Variants in PLEKHA7 observed in about 807,000 individuals in gnomAD.
PLEKHA7 encodes pleckstrin homology domain containing A7.
A neutral mutation model predicts 170.0 loss-of-function variants in PLEKHA7; 104 were observed. The observed-to-expected ratio is 0.61, with a 90% confidence interval of 0.52 to 0.72. The LOEUF is 0.72. Ranked by LOEUF, PLEKHA7 falls within the 30% of genes least tolerant of loss-of-function variation. PLEKHA7 has a pLI of 0.00. For missense variants in PLEKHA7, 1,615 were observed against 1,671.7 expected, an observed-to-expected ratio of 0.97 and a Z score of 0.59; for synonymous variants, 648 against 660.8, an observed-to-expected ratio of 0.98 and a Z score of 0.30.
chr11:16,958,191 C>T (rs1861825731), intron 3 of PLEKHA7, among the ~76,000 whole-genome samples: 2 of 152,156 alleles, frequency 1.3e-5, no homozygotes, highest in African/African-American at 4.8e-5. Flanking sequence ...GTGGCACACA[C>T]CTGTAGTCCT....
At chr11:16,909,734 T>A (rs1858112529) in intron 3 of PLEKHA7, among the ~76,000 whole-genome samples, 2 of 152,214 alleles carry the variant, frequency 1.3e-5, no homozygotes, top group Non-Finnish European at 2.9e-5. Context: ...ATACTTAAGT[T>A]CATCTGCATC....
At chr11:16,845,976 C>T (rs914474288) in intron 8 of PLEKHA7, among the ~76,000 whole-genome samples, 10 of 152,042 alleles carry the variant, frequency 6.6e-5, no homozygotes, top group South Asian at 2.1e-4. Flanking sequence ...GAGGTAGTGG[C>T]GACCATTTAT....
intron 3 of PLEKHA7, among the ~76,000 whole-genome samples, chr11:16,976,894 A>G (rs1863102511): frequency 6.6e-6 from 1 of 152,146 alleles, no homozygotes; most frequent in African/African-American, 2.4e-5. Context: ...TGCTGAATGG[A>G]TGCATACACG....
intron 3 of PLEKHA7, among the ~76,000 whole-genome samples, chr11:16,939,286 C>T (rs976296554): frequency 3.3e-5 from 5 of 151,974 alleles, no homozygotes; most frequent in African/African-American, 9.7e-5. Flanking sequence ...TGGTGGTGCA[C>T]GCCTATAACC....
chr11:16,845,159 G>A (rs1852289436), intron 8 of PLEKHA7, among the ~76,000 whole-genome samples: 1 of 152,166 alleles, frequency 6.6e-6, no homozygotes, highest in South Asian at 2.1e-4. Flanking sequence ...AGCACCCCAT[G>A]AAGGACACGT....
chr11:16,931,984 G>A (rs1391255434), intron 3 of PLEKHA7, among the ~76,000 whole-genome samples: 2 of 152,134 alleles, frequency 1.3e-5, no homozygotes, highest in African/African-American at 4.8e-5. Context: ...TTTGACACCT[G>A]CACAGTCTCA....
intron 9 of PLEKHA7, among the ~76,000 whole-genome samples, chr11:16,840,206 A>T (rs1851840769): frequency 6.6e-6 from 1 of 151,848 alleles, no homozygotes; most frequent in Non-Finnish European, 1.5e-5. Flanking sequence ...CGAATCTCTC[A>T]CTCACTCACT....
intron 3 of PLEKHA7, among the ~76,000 whole-genome samples, chr11:16,889,420 A>AAAAAAAAAAATATATATATAT (rs61086849): frequency 1.3e-5 from 1 of 74,684 alleles, no homozygotes; most frequent in African/African-American, 6.3e-5. Flanking sequence ...AAAAAAAAAA[A>AAAAAAAAAAATATATATATAT]ATATATATAT....
At chr11:16,874,275 GGCGGGTGAATCACTTAA>G (rs1463891883) in intron 3 of PLEKHA7, among the ~76,000 whole-genome samples, 1 of 152,114 alleles carries the variant, frequency 6.6e-6, no homozygotes, top group African/African-American at 2.4e-5. Flanking sequence ...CTGAGGCTGG[GGCGGGTGAATCACTTAA>G]GCCCAGGAGT....
chr11:16,980,687 C>A (rs557052825), intron 3 of PLEKHA7, among the ~76,000 whole-genome samples: 1 of 152,182 alleles, frequency 6.6e-6, no homozygotes, highest in African/African-American at 2.4e-5. Flanking sequence ...CTTTGGGAGG[C>A]CAAAGTGGAT....
intron 4 of PLEKHA7, among the ~76,000 whole-genome samples, chr11:16,866,521 G>A (rs1433523768): frequency 1.3e-5 from 2 of 152,144 alleles, no homozygotes; most frequent in East Asian, 3.9e-4. Context: ...GAACCCGGGA[G>A]GCGGAGGTTG....
At chr11:16,861,485 T>C (rs935159293) in intron 4 of PLEKHA7, among the ~76,000 whole-genome samples, 1 of 151,868 alleles carries the variant, frequency 6.6e-6, no homozygotes, top group Non-Finnish European at 1.5e-5. Flanking sequence ...CCCGTCTCTA[T>C]GAAAAATACA....
At chr11:16,822,228 T>C (rs370767320) in intron 10 of PLEKHA7, among the ~76,000 whole-genome samples, 3 of 151,888 alleles carry the variant, frequency 2.0e-5, no homozygotes, top group African/African-American at 7.3e-5. Flanking sequence ...CTTTTGAAAG[T>C]TTTTTCTGTG....
At chr11:16,980,252 T>TA (rs1863343984) in intron 3 of PLEKHA7, among the ~76,000 whole-genome samples, 2 of 152,228 alleles carry the variant, frequency 1.3e-5, no homozygotes, top group African/African-American at 4.8e-5. Context: ...TCAGACACTG[T>TA]ACTCAAGGCT....
Position 16,854,986 on chromosome 11 carries a change from T to C in PLEKHA7, c.425A>G (p.Lys142Arg), listed in dbSNP as rs1259252854. The C allele has an allele frequency of 1.2e-6, 2 of 1,613,852 alleles. No individual in the cohort carries two copies. The highest frequency in any genetic ancestry group is 2.2e-5 in the South Asian group (2 of 91,070). The change falls in exon 6 of 27, where the codon AAG (lysine) becomes AGG (arginine). Residue 142 changes from lysine (K) to arginine (R), a missense_variant. Coordinates refer to ENST00000531066, the MANE Select transcript of PLEKHA7 (RefSeq NM_001329630.2). ...LEAKPGPKIIKSSSKVHSFGK... is the reference protein window; with the variant it reads ...LEAKPGPKIIRSSSKVHSFGK... ...AAAGCTGTGGACTTTACTGCTGGAC[T>C]TTATGATCTATGAAAAAGCAGACTG... is the stretch of plus-strand genomic sequence containing the variant.
chr11:16,997,035 GC>G (rs1565192255), intron 3 of PLEKHA7, among the ~76,000 whole-genome samples: 1 of 152,188 alleles, frequency 6.6e-6, no homozygotes, highest in Admixed American at 6.5e-5. Flanking sequence ...GCCCAAGCAA[GC>G]CCTTTTTCTG....
intron 3 of PLEKHA7, among the ~76,000 whole-genome samples, chr11:16,872,306 C>T (rs1854922004): frequency 6.6e-6 from 1 of 151,940 alleles, no homozygotes; most frequent in Non-Finnish European, 1.5e-5. Flanking sequence ...AAAAGTCACC[C>T]ATGACCTCTC....
At chr11:16,819,287 G>A (rs1380413053) in intron 10 of PLEKHA7, among the ~76,000 whole-genome samples, 9 of 152,170 alleles carry the variant, frequency 5.9e-5, no homozygotes, top group African/African-American at 9.6e-5. Flanking sequence ...TAGTAGAGAC[G>A]GGGTTTCACC....
intron 3 of PLEKHA7, among the ~76,000 whole-genome samples, chr11:17,008,990 T>C (rs1352164166): frequency 6.6e-6 from 1 of 152,140 alleles, no homozygotes; most frequent in African/African-American, 2.4e-5. Context: ...CCACCCCTAA[T>C]CAACATAGGA....
Sources: allele counts gnomAD v4.1 joint callset (sites outside exome capture counted in the v4.1 genomes callset), GRCh38; gene constraint gnomAD v4.1.1; transcripts MANE v1.5; gene names NCBI Gene and HGNC (gene_info 2026-07-23, HGNC 2026-07-21).